The following CDH13 variants were observed in gnomAD, a reference collection of about 807,000 sequenced individuals.
CDH13 encodes cadherin 13, also known as cadherin-13.
A neutral mutation model predicts 63.8 loss-of-function variants in CDH13; 24 were observed. The observed-to-expected ratio is 0.38, with a 90% CI of 0.27 to 0.53. The LOEUF (loss-of-function observed/expected upper bound fraction) is 0.53. CDH13 is among the 20% of genes least tolerant of loss of function. The probability of loss-of-function intolerance (pLI) is 0.85; values close to 1 mark genes in which losing one functional copy is unlikely to be tolerated. For missense variants in CDH13, 1,049 were observed against 903.1 expected, an observed-to-expected ratio of 1.16 and a Z score of -2.07; for synonymous variants, 503 against 355.3, an observed-to-expected ratio of 1.42 and a Z score of -4.67.
chr16:83,050,176 C>G (rs1490938543), intron 3 of CDH13, among the ~76,000 whole-genome samples: 1 of 152,074 alleles, frequency 6.6e-6, no homozygotes, highest in Non-Finnish European at 1.5e-5. Flanking sequence ...GCAGCCAGAC[C>G]CGGGCCTCCT....
At chr16:83,135,328 C>T (rs923402804) in intron 4 of CDH13, among the ~76,000 whole-genome samples, 7 of 152,224 alleles carry the variant, frequency 4.6e-5, no homozygotes, top group Admixed American at 2.0e-4. Context: ...TCCACCACAA[C>T]GTGTGTGAAT....
At chr16:83,276,322 A>C (rs2088986798) in intron 5 of CDH13, among the ~76,000 whole-genome samples, 1 of 151,934 alleles carries the variant, frequency 6.6e-6, no homozygotes, top group Non-Finnish European at 1.5e-5. Context: ...CCCCTCATTG[A>C]ATAAGTTGAG....
At chr16:83,205,954 G>A (rs930763296) in intron 4 of CDH13, among the ~76,000 whole-genome samples, 7 of 152,204 alleles carry the variant, frequency 4.6e-5, no homozygotes, top group African/African-American at 1.2e-4. Context: ...CCATGAGGCT[G>A]AGCGAATGTC....
chr16:82,633,566 A>AT (rs1243342114), intron 1 of CDH13, among the ~76,000 whole-genome samples: 5 of 152,054 alleles, frequency 3.3e-5, no homozygotes, highest in African/African-American at 9.7e-5. Context: ...TTTAGTAGAG[A>AT]CGGGGTTTCA....
chr16:82,787,272 G>A (rs1195333323), intron 1 of CDH13, among the ~76,000 whole-genome samples: 1 of 152,064 alleles, frequency 6.6e-6, no homozygotes, highest in Non-Finnish European at 1.5e-5. Context: ...AGCTGAGCAT[G>A]GCCAATCTAC....
At chr16:82,813,309 G>A (rs1047413340) in intron 1 of CDH13, among the ~76,000 whole-genome samples, 4 of 152,168 alleles carry the variant, frequency 2.6e-5, no homozygotes, top group Non-Finnish European at 5.9e-5. Context: ...GGGCTTCAGA[G>A]CTGCACCTGT....
chr16:82,665,765 A>C (rs1411839063), intron 1 of CDH13, among the ~76,000 whole-genome samples: 1 of 152,042 alleles, frequency 6.6e-6, no homozygotes, highest in African/African-American at 2.4e-5. Context: ...AATTGGACCT[A>C]CTGAACAGCA....
chr16:82,627,217 CTT>C, intron 1 of CDH13, 80 bp downstream of exon 1: 2 of 1,271,772 alleles, frequency 1.6e-6, no homozygotes, highest in Non-Finnish European at 2.2e-6. Context: ...GGTGAGGGGG[CTT>C]TCGGGGGGTC....
At chr16:82,659,391 G>C (rs955788381) in intron 1 of CDH13, among the ~76,000 whole-genome samples, 2 of 152,234 alleles carry the variant, frequency 1.3e-5, no homozygotes, top group African/African-American at 4.8e-5. Flanking sequence ...CAGGAGCAAG[G>C]CTACGGAAGC....
chr16:82,832,413 CTT>C (rs2038583273), intron 1 of CDH13, among the ~76,000 whole-genome samples: 1 of 152,068 alleles, frequency 6.6e-6, no homozygotes, highest in Non-Finnish European at 1.5e-5. Context: ...TTAGGTGTGA[CTT>C]TTCATCTCTT....
chr16:83,629,651 T>A (rs576276771), intron 8 of CDH13, among the ~76,000 whole-genome samples: 1 of 152,196 alleles, frequency 6.6e-6, no homozygotes, highest in Non-Finnish European at 1.5e-5. Context: ...AAAATTACAC[T>A]CCCTCATTTA....
intron 4 of CDH13, among the ~76,000 whole-genome samples, chr16:83,135,103 C>A (rs1228006410): frequency 2.6e-5 from 4 of 152,198 alleles, no homozygotes; most frequent in African/African-American, 7.2e-5. Flanking sequence ...TGTTCACTAC[C>A]TAATGAATGT....
In CDH13 at chr16:83,511,084, G is replaced by T. The variant is rs550934127; in HGVS notation, c.960+24429G>T. ...CAGACACGCACACACATGCACGCATGCACACACACATGCACACATGCACGC... is the reference window on the plus strand; with the variant it reads ...CAGACACGCACACACATGCACGCATTCACACACACATGCACACATGCACGC... On this transcript the variant is annotated intron_variant, in intron 7 of 13. Coordinates refer to ENST00000567109, the MANE Select transcript of CDH13 (RefSeq NM_001257.5). Among the ~76,000 whole-genome samples, 28 of 103,280 alleles carry T rather than the reference G, an allele frequency of 2.7e-4. No individual in the cohort carries two copies. The East Asian group carries it at 8.3e-3, about 30-fold the overall frequency. The allele number at this position is 103,280 out of a possible 152,430, so 67.8% of individuals were successfully genotyped here.
At chr16:82,756,762 T>G (rs1453018990) in intron 1 of CDH13, among the ~76,000 whole-genome samples, 2 of 152,164 alleles carry the variant, frequency 1.3e-5, no homozygotes, top group African/African-American at 2.4e-5. Context: ...CTGAGAGCAT[T>G]CTTGGAAGAT....
At chr16:83,294,584 A>T (rs191280549) in intron 5 of CDH13, among the ~76,000 whole-genome samples, 81 of 142,684 alleles carry the variant, frequency 5.7e-4, no homozygotes, top group African/African-American at 2.0e-3. Context: ...CTCATATAAT[A>T]TATACATATA....
intron 1 of CDH13, among the ~76,000 whole-genome samples, chr16:82,820,137 T>A (rs886439711): frequency 6.6e-6 from 1 of 152,130 alleles, no homozygotes. Flanking sequence ...ATATCTGCAA[T>A]GTGGGGAAGT....
intron 7 of CDH13, among the ~76,000 whole-genome samples, chr16:83,504,480 G>A (rs1029210845): frequency 2.0e-5 from 3 of 152,212 alleles, no homozygotes; most frequent in African/African-American, 7.2e-5. Flanking sequence ...CCACTGGGAC[G>A]GGCAATGGGA....
chr16:83,381,955 G>A (rs773404649), intron 6 of CDH13, among the ~76,000 whole-genome samples: 6 of 152,066 alleles, frequency 3.9e-5, no homozygotes, highest in Admixed American at 6.6e-5. Context: ...CTCACTTACC[G>A]AGGGCCTAGT....
intron 1 of CDH13, among the ~76,000 whole-genome samples, chr16:82,832,650 C>A (rs1393784394): frequency 6.6e-6 from 1 of 151,808 alleles, no homozygotes. Context: ...ATTATCACCC[C>A]AAAATGAAAC....
Sources: allele counts gnomAD v4.1 joint callset (sites outside exome capture counted in the v4.1 genomes callset), GRCh38; gene constraint gnomAD v4.1.1; transcripts MANE v1.5; gene names NCBI Gene and HGNC (gene_info 2026-07-23, HGNC 2026-07-21).